The following ERAP1 variants were observed in gnomAD, a reference collection of about 807,000 sequenced individuals.
ERAP1 encodes endoplasmic reticulum aminopeptidase 1.
ERAP1 carries 86 observed loss-of-function variants against 103.7 expected under a neutral mutation model. That is an observed-to-expected ratio of 0.83 (90% CI 0.70 to 0.99). ERAP1 has a LOEUF of 0.99. ERAP1 is among the 50% of genes least tolerant of loss of function. ERAP1 has a pLI of 0.00. For missense variants in ERAP1, 1,009 were observed against 1,128.4 expected, an observed-to-expected ratio of 0.89 and a Z score of 1.52; for synonymous variants, 398 against 402.4, an observed-to-expected ratio of 0.99 and a Z score of 0.13.
the ERAP1 span, among the ~76,000 whole-genome samples, chr5:96,923,693 CAAA>C: frequency 6.8e-5 from 5 of 73,722 alleles, no homozygotes; most frequent in Admixed American, 1.6e-4. Flanking sequence ...GACTCTGTCT[CAAA>C]AAAAAAAAAA....
chr5:96,880,002 A>G, the ERAP1 span: 7 of 1,614,058 alleles, frequency 4.3e-6, no homozygotes, highest in Admixed American at 1.0e-4. Flanking sequence ...AATGCTACCC[A>G]GTTTATCATC....
At chr5:96,856,365 T>TATATATATAAAGAG in the ERAP1 span, among the ~76,000 whole-genome samples, 1 of 20,392 alleles carries the variant, frequency 4.9e-5, no homozygotes, top group African/African-American at 1.7e-4. Context: ...TATATATATA[T>TATATATATAAAGAG]AGAGAGAGAG....
chr5:96,802,803 C>A (rs1322867274), intron 2 of ERAP1, among the ~76,000 whole-genome samples: 1 of 152,074 alleles, frequency 6.6e-6, no homozygotes, highest in Non-Finnish European at 1.5e-5. Context: ...GGGCCCTAAT[C>A]TGGTATGTCT....
chr5:96,806,372 A>G (rs1481902525), intron 1 of ERAP1, among the ~76,000 whole-genome samples: 1 of 152,216 alleles, frequency 6.6e-6, no homozygotes. Context: ...CTTTGAAGTT[A>G]CACTCCACTA....
At chr5:96,894,285 G>A in the ERAP1 span, among the ~76,000 whole-genome samples, 1 of 152,160 alleles carries the variant, frequency 6.6e-6, no homozygotes, top group Non-Finnish European at 1.5e-5. Flanking sequence ...TTCAAATTGA[G>A]GAAACACCTC....
chr5:96,783,099 C>T lies in ERAP1; in HGVS notation c.2237G>A (p.Arg746Lys), dbSNP rs796960173. ...CVHNYQPCVQ[R>K]AEGYFRKWKE... Reference sequence around the variant, plus strand: ...CCACTTTCTGAAATAGCCTTCTGCCCTCTGTACGCACGGCTGATAGTTGTG... The same window carrying T: ...CCACTTTCTGAAATAGCCTTCTGCCTTCTGTACGCACGGCTGATAGTTGTG... Residue 746 changes from arginine (R) to lysine (K), a missense_variant, in exon 15 of 19, where the codon AGG (arginine) becomes AAG (lysine). Arg to Lys is a conservative substitution (Grantham distance 26). Transcript: ENST00000443439. 1 of 1,614,178 alleles carries T rather than the reference C, an allele frequency of 6.2e-7. No homozygotes were observed. The highest frequency in any genetic ancestry group is 8.5e-7 in the Non-Finnish European group (1 of 1,180,046).
chr5:96,896,097 C>A, the ERAP1 span, among the ~76,000 whole-genome samples: 5 of 152,004 alleles, frequency 3.3e-5, no homozygotes, highest in Non-Finnish European at 5.9e-5. Flanking sequence ...TAAATGGAAA[C>A]CATTATTTTA....
chr5:96,838,134 G>A, the ERAP1 span, among the ~76,000 whole-genome samples: 2 of 152,138 alleles, frequency 1.3e-5, no homozygotes, highest in South Asian at 2.1e-4. Context: ...CTCACTTTGG[G>A]CCGTGGTTCC....
rs1194912259 is a variant in ERAP1 at position 96,775,848 on chromosome 5, T to G, written c.*548A>C. 2 of 593,248 alleles carry G rather than the reference T, an allele frequency of 3.4e-6. No individual in the cohort carries two copies. The highest frequency in any genetic ancestry group is 1.4e-4 in the South Asian group (2 of 13,858). The allele number at this position is 593,248 out of a possible 1,614,324, so 36.7% of individuals were successfully genotyped here. On this transcript the variant is annotated 3_prime_UTR_variant, in exon 19 of 19. Transcript: ENST00000443439. ...CAGCTCCAGCTCTCCGGCTCCCCAC[T>G]GACCAACATCCAAAGGGCAAGAAAG... is the stretch of plus-strand genomic sequence containing the variant.
At chr5:96,800,818 T>A (rs764517866) in intron 3 of ERAP1, 44 bp downstream of exon 3, 11 of 1,609,062 alleles carry the variant, frequency 6.8e-6, no homozygotes, top group South Asian at 5.5e-5. Flanking sequence ...TCACAGAGAA[T>A]CAGTAGATTT....
At chr5:96,788,341 A>G (rs1366686296) in intron 11 of ERAP1, among the ~76,000 whole-genome samples, 190 bp downstream of exon 11, 1 of 152,214 alleles carries the variant, frequency 6.6e-6, no homozygotes, top group Non-Finnish European at 1.5e-5. Flanking sequence ...GAGAATAACC[A>G]AGGTTTAAAG....
At chr5:96,871,789 A>C in the ERAP1 span, among the ~76,000 whole-genome samples, 1 of 152,190 alleles carries the variant, frequency 6.6e-6, no homozygotes, top group Non-Finnish European at 1.5e-5. Flanking sequence ...GTTTTCAGTA[A>C]GTGCTTTGTG....
the ERAP1 span, among the ~76,000 whole-genome samples, chr5:96,883,267 C>A: frequency 6.6e-6 from 1 of 152,172 alleles, no homozygotes. Context: ...CTCCCTTTTC[C>A]CTGTCCTGCT....
chr5:96,784,753 T>G (rs940211981), intron 13 of ERAP1: 5 of 153,088 alleles, frequency 3.3e-5, no homozygotes, highest in African/African-American at 9.7e-5. Flanking sequence ...GTCAAAACCA[T>G]GAGTTCCTGG....
At chr5:96,884,627 G>A in the ERAP1 span, among the ~76,000 whole-genome samples, 3 of 152,128 alleles carry the variant, frequency 2.0e-5, no homozygotes, top group East Asian at 1.9e-4. Context: ...GCGTGATCTC[G>A]GTTCACTACA....
the ERAP1 span, among the ~76,000 whole-genome samples, chr5:96,886,998 T>A: frequency 6.6e-6 from 1 of 151,528 alleles, no homozygotes; most frequent in East Asian, 1.9e-4. Flanking sequence ...AAATATTTTC[T>A]ATATGTATGT....
chr5:96,909,008 T>A, the ERAP1 span: 1 of 1,614,156 alleles, frequency 6.2e-7, no homozygotes, highest in Non-Finnish European at 8.5e-7. Flanking sequence ...ACTTACTACC[T>A]CCAACATGAA....
the ERAP1 span, chr5:96,883,708 G>T: frequency 7.2e-7 from 1 of 1,397,212 alleles, no homozygotes; most frequent in South Asian, 1.4e-5. Flanking sequence ...CCCCAGGTTT[G>T]ATAAGCTGTT....
the ERAP1 span, chr5:96,901,539 G>A: frequency 6.2e-7 from 1 of 1,614,054 alleles, no homozygotes; most frequent in Non-Finnish European, 8.5e-7. Context: ...AGAGGTCAAA[G>A]AGATGATGAC....
Sources: allele counts gnomAD v4.1 joint callset (sites outside exome capture counted in the v4.1 genomes callset), GRCh38; gene constraint gnomAD v4.1.1; transcripts MANE v1.5; gene names NCBI Gene and HGNC (gene_info 2026-07-23, HGNC 2026-07-21).